KCTD8: variants seen among roughly 807,000 people sequenced by gnomAD.
KCTD8 encodes the protein BTB/POZ domain-containing protein KCTD8.
A neutral mutation model predicts 31.5 loss-of-function variants in KCTD8; 27 were observed. The ratio of observed to expected loss-of-function variants is 0.86; its 90% confidence interval spans 0.63 to 1.18. The LOEUF is 1.18. KCTD8 is among the 50% of genes most tolerant of loss of function. The probability of loss-of-function intolerance (pLI) is 0.00; values close to 1 mark genes in which losing one functional copy is unlikely to be tolerated. For synonymous variants in KCTD8, 290 were observed against 280.0 expected (o/e 1.04, Z -0.36); for missense variants, 658 against 647.7 (o/e 1.02, Z -0.17).
intron 1 of KCTD8, among the ~76,000 whole-genome samples, chr4:44,440,051 C>T (rs549261835): frequency 6.6e-6 from 1 of 152,052 alleles, no homozygotes; most frequent in South Asian, 2.1e-4. Context: ...CCTGCCTCAG[C>T]CTCCCAAGTA....
intron 1 of KCTD8, among the ~76,000 whole-genome samples, chr4:44,299,966 T>C (rs1031213655): frequency 6.6e-6 from 1 of 151,874 alleles, no homozygotes; most frequent in Non-Finnish European, 1.5e-5. Flanking sequence ...TTAGCCAGGA[T>C]GGTCTCAATC....
intron 1 of KCTD8, among the ~76,000 whole-genome samples, chr4:44,446,448 T>A (rs1293718121): frequency 6.6e-6 from 1 of 152,188 alleles, no homozygotes; most frequent in Non-Finnish European, 1.5e-5. Context: ...CCCAGCTGGC[T>A]TTTCGTTTGT....
At chr4:44,317,485 C>T (rs1261988407) in intron 1 of KCTD8, among the ~76,000 whole-genome samples, 1 of 140,066 alleles carries the variant, frequency 7.1e-6, no homozygotes, top group East Asian at 2.0e-4. Context: ...ATGATCCACC[C>T]GCCTCGGCCT....
At chr4:44,235,578 TAGAGAGAGAG>T (rs371875444) in intron 1 of KCTD8, among the ~76,000 whole-genome samples, 6 of 64,100 alleles carry the variant, frequency 9.4e-5, no homozygotes, top group African/African-American at 3.1e-4. Flanking sequence ...TATATATATT[TAGAGAGAGAG>T]AGAGAGAGAG....
chr4:44,248,058 C>T (rs747747368), intron 1 of KCTD8, among the ~76,000 whole-genome samples: 3 of 151,836 alleles, frequency 2.0e-5, no homozygotes, highest in Non-Finnish European at 1.5e-5. Context: ...TCTGGTCTTG[C>T]CCTGTTCAAA....
intron 1 of KCTD8, among the ~76,000 whole-genome samples, chr4:44,232,304 A>G (rs762931358): frequency 2.6e-5 from 4 of 152,124 alleles, no homozygotes; most frequent in Non-Finnish European, 4.4e-5. Context: ...TATTCTTCCC[A>G]GAGCCAAATT....
intron 1 of KCTD8, among the ~76,000 whole-genome samples, chr4:44,323,838 C>T (rs1718369968): frequency 6.6e-6 from 1 of 151,522 alleles, no homozygotes; most frequent in African/African-American, 2.4e-5. Context: ...CAGAAAAACC[C>T]TAATAAAACA....
chr4:44,447,457 C>A (rs1721970521), intron 1 of KCTD8, 106 bp downstream of exon 1: 1 of 1,423,510 alleles, frequency 7.0e-7, no homozygotes, highest in Admixed American at 3.0e-5. Context: ...AGGAGTTAAC[C>A]AGCGCCTGCC....
chr4:44,447,128 C>T (rs1721962181), intron 1 of KCTD8, among the ~76,000 whole-genome samples: 1 of 152,232 alleles, frequency 6.6e-6, no homozygotes, highest in South Asian at 2.1e-4. Flanking sequence ...GCATCCTGCC[C>T]TCTGCAGGGA....
intron 1 of KCTD8, among the ~76,000 whole-genome samples, chr4:44,223,472 C>T (rs776796622): frequency 8.5e-5 from 13 of 152,266 alleles, no homozygotes; most frequent in East Asian, 1.9e-4. Flanking sequence ...CACTCTGAAA[C>T]GCTTGGGAAC....
chr4:44,430,783 T>C (rs1359369436), intron 1 of KCTD8, among the ~76,000 whole-genome samples: 1 of 151,630 alleles, frequency 6.6e-6, no homozygotes, highest in Non-Finnish European at 1.5e-5. Context: ...GTTTTTCCTC[T>C]CAACTTCTAT....
chr4:44,215,308 A>G (rs969059365), intron 1 of KCTD8, among the ~76,000 whole-genome samples: 9 of 152,134 alleles, frequency 5.9e-5, no homozygotes, highest in Non-Finnish European at 1.3e-4. Flanking sequence ...AGTTACAAAA[A>G]TATGGTTCAT....
At chr4:44,180,668 C>A (rs1294233683) in intron 1 of KCTD8, among the ~76,000 whole-genome samples, 1 of 151,822 alleles carries the variant, frequency 6.6e-6, no homozygotes, top group African/African-American at 2.4e-5. Context: ...AGGGGAATAA[C>A]CTTGGAAGAT....
At chr4:44,337,498 A>C (rs533296973) in intron 1 of KCTD8, among the ~76,000 whole-genome samples, 69 of 152,016 alleles carry the variant, frequency 4.5e-4, no homozygotes, top group African/African-American at 1.7e-3. Flanking sequence ...GTATGGTGAA[A>C]TCCTGTCTCT....
intron 1 of KCTD8, among the ~76,000 whole-genome samples, chr4:44,376,256 T>C (rs920214519): frequency 1.1e-4 from 17 of 152,164 alleles, no homozygotes; most frequent in African/African-American, 3.9e-4. Flanking sequence ...TCTTCTCATG[T>C]TCTGTGGTGC....
rs1475558205 is a variant in KCTD8 at position 44,322,227 on chromosome 4, C to G, written c.961+125336G>C. On this transcript the variant is annotated intron_variant, in intron 1 of 1. Coordinates refer to ENST00000360029, the MANE Select transcript of KCTD8 (RefSeq NM_198353.3). ...TTTACATTCCCACCAACAGTGTACA[C>G]GTGGTCCCTTTCTCCACATCCTTGC... Among the ~76,000 whole-genome samples, 3 of 152,050 alleles carry G rather than the reference C, an allele frequency of 2.0e-5. 1 individual carries two copies. The highest frequency in any genetic ancestry group is 7.3e-5 in the African/African-American group (3 of 41,338).
intron 1 of KCTD8, among the ~76,000 whole-genome samples, chr4:44,210,928 G>T (rs1329799522): frequency 6.6e-6 from 1 of 152,142 alleles, no homozygotes; most frequent in Non-Finnish European, 1.5e-5. Flanking sequence ...AGGCATGCAG[G>T]CAAGTTAAGA....
chr4:44,424,149 A>G (rs1161088697), intron 1 of KCTD8, among the ~76,000 whole-genome samples: 1 of 152,042 alleles, frequency 6.6e-6, no homozygotes, highest in Admixed American at 6.6e-5. Flanking sequence ...TGTAAAATCA[A>G]CGGGGTGACA....
At chr4:44,187,947 T>C (rs1360543249) in intron 1 of KCTD8, among the ~76,000 whole-genome samples, 5 of 148,978 alleles carry the variant, frequency 3.4e-5, no homozygotes, top group Non-Finnish European at 5.9e-5. Context: ...GCAGAGGTTG[T>C]GGAAGAGGTA....
Sources: allele counts gnomAD v4.1 joint callset (sites outside exome capture counted in the v4.1 genomes callset), GRCh38; gene constraint gnomAD v4.1.1; transcripts MANE v1.5; gene names NCBI Gene and HGNC (gene_info 2026-07-23, HGNC 2026-07-21).